The following PRIMPOL variants were observed in gnomAD, a reference collection of about 807,000 sequenced individuals.
The protein encoded by PRIMPOL is DNA-directed primase/polymerase protein.
Under a neutral mutation model 63.6 loss-of-function variants are expected in PRIMPOL, and 54 were observed. That is an observed-to-expected ratio of 0.85 (90% CI 0.68 to 1.07). The LOEUF (loss-of-function observed/expected upper bound fraction) is 1.07. Among genes scored for constraint, PRIMPOL ranks in the 50% least tolerant of loss-of-function variants. PRIMPOL has a pLI of 0.00. For synonymous variants in PRIMPOL, 197 were observed against 220.2 expected (o/e 0.89, Z 0.93); for missense variants, 610 against 648.3 (o/e 0.94, Z 0.64).
At chr4:184,655,219 A>G (rs2150027169) in intron 2 of PRIMPOL, among the ~76,000 whole-genome samples, 2 of 151,924 alleles carry the variant, frequency 1.3e-5, no homozygotes, top group East Asian at 3.9e-4. Context: ...CATATTGGTC[A>G]GGCTGGTCTC....
Position 184,665,960 on chromosome 4 carries a change from C to G in PRIMPOL, c.452C>G (p.Ser151Ter), listed in dbSNP as rs773763144. 1 of 1,609,444 alleles carries G rather than the reference C, an allele frequency of 6.2e-7. No homozygotes were observed. Among genetic ancestry groups the G allele is most frequent in the Non-Finnish European group, 8.5e-7 (1 of 1,176,758 alleles). ...ALQELYGVNCSAEDVLNLDSS... is the reference protein window; with the variant it reads ...ALQELYGVNC Reference sequence around the variant, plus strand: ...CAAGAGTTATACGGTGTTAATTGCTCAGCTGAAGATGTTTTGAACTTGGAT... The same window carrying G: ...CAAGAGTTATACGGTGTTAATTGCTGAGCTGAAGATGTTTTGAACTTGGAT... Residue 151 changes from serine to a stop codon, truncating the protein, a stop_gained, in exon 6 of 14, where the codon TCA becomes TGA. Coordinates refer to ENST00000314970, the MANE Select transcript of PRIMPOL (RefSeq NM_152683.4). LOFTEE classifies it high-confidence loss of function.
At chr4:184,694,319 T>C (rs1256150713) in intron 13 of PRIMPOL, 1 of 1,334,028 alleles carries the variant, frequency 7.5e-7, no homozygotes, top group Non-Finnish European at 9.6e-7. Context: ...GAGTTTCAAG[T>C]GTGTCTGAGC....
At chr4:184,663,981 C>T (rs1376426095) in intron 5 of PRIMPOL, among the ~76,000 whole-genome samples, 4 of 152,174 alleles carry the variant, frequency 2.6e-5, no homozygotes, top group African/African-American at 9.7e-5. Flanking sequence ...GGTTCAGTGG[C>T]TAAACTGACA....
At chr4:184,666,807 G>A (rs1750027255) in intron 6 of PRIMPOL, among the ~76,000 whole-genome samples, 1 of 152,208 alleles carries the variant, frequency 6.6e-6, no homozygotes, top group African/African-American at 2.4e-5. Context: ...TCAGGGTTGG[G>A]ATAATTCTAG....
chr4:184,664,121 T>C (rs1177700932), intron 5 of PRIMPOL, among the ~76,000 whole-genome samples: 1 of 152,232 alleles, frequency 6.6e-6, no homozygotes, highest in Non-Finnish European at 1.5e-5. Context: ...TTTAATTATT[T>C]AAGTAACTTA....
intron 11 of PRIMPOL, among the ~76,000 whole-genome samples, chr4:184,689,720 C>T (rs2150165196): frequency 6.6e-6 from 1 of 152,204 alleles, no homozygotes. Flanking sequence ...TCCCAAAGTG[C>T]TGGGATTACA....
chr4:184,649,934 C>A (rs1291970191), intron 1 of PRIMPOL, 26 bp downstream of exon 1: 1 of 152,274 alleles, frequency 6.6e-6, no homozygotes, highest in Non-Finnish European at 1.5e-5. Context: ...TCTGCGATGA[C>A]CTGAGGCCTT....
rs1298026820 is a variant in PRIMPOL at position 184,672,673 on chromosome 4, G to C, written c.844+213G>C. Among the ~76,000 whole-genome samples, 6 of 152,130 alleles carry C rather than the reference G, an allele frequency of 3.9e-5. No homozygotes were observed. The East Asian group carries it at 1.2e-3, about 29-fold the overall frequency. ...CCAGGCCGGCCTGAGCTCCAGCAGA[G>C]GATGGCTGTGGCTGGCTTCTGCTCT... On this transcript the variant is annotated intron_variant, in intron 7 of 13. Coordinates refer to ENST00000314970, the MANE Select transcript of PRIMPOL (RefSeq NM_152683.4).
rs538067517 is a variant in PRIMPOL at position 184,678,394 on chromosome 4, G to T, written c.1007G>T (p.Arg336Met). 3 of 1,598,416 alleles carry T rather than the reference G, an allele frequency of 1.9e-6. No individual in the cohort carries two copies. The African/African-American group carries it at 4.0e-5, about 22-fold the overall frequency. The change falls in exon 8 of 14, where the codon AGG becomes ATG. Residue 336 changes from arginine to methionine, a missense_variant and splice_region_variant. Transcript: ENST00000314970. The part of the protein sequence containing the change: ...YFLSSLVSNV[R>M]FSDTLRILTC... Reference sequence around the variant, plus strand: ...CTCTCTTCTTTGGTCAGCAATGTCAGGTATGTAGTAGCAGCATCAAACCAT... The same window carrying T: ...CTCTCTTCTTTGGTCAGCAATGTCATGTATGTAGTAGCAGCATCAAACCAT...
chr4:184,684,066 A>G (rs1284685661), intron 9 of PRIMPOL, among the ~76,000 whole-genome samples: 3 of 152,216 alleles, frequency 2.0e-5, no homozygotes, highest in African/African-American at 7.2e-5. Flanking sequence ...ACATTTCCAC[A>G]TTAATATATT....
intron 11 of PRIMPOL, among the ~76,000 whole-genome samples, chr4:184,688,946 A>G (rs1043080984): frequency 6.6e-6 from 1 of 152,164 alleles, no homozygotes; most frequent in African/African-American, 2.4e-5. Flanking sequence ...TTATGTCCGA[A>G]CAGTTTAGTA....
At chr4:184,650,902 A>G in intron 1 of PRIMPOL, among the ~76,000 whole-genome samples, 1 of 152,186 alleles carries the variant, frequency 6.6e-6, no homozygotes, top group Non-Finnish European at 1.5e-5. Flanking sequence ...TTACATTTTC[A>G]TAATACATTT....
intron 11 of PRIMPOL, among the ~76,000 whole-genome samples, chr4:184,688,554 C>G (rs1017524002): frequency 6.6e-6 from 1 of 152,154 alleles, no homozygotes; most frequent in South Asian, 2.1e-4. Flanking sequence ...GCATCTGGCC[C>G]GGCTCCCCTG....
chr4:184,672,607 TG>T, intron 7 of PRIMPOL, 147 bp downstream of exon 7: 1 of 770,620 alleles, frequency 1.3e-6, no homozygotes, highest in South Asian at 1.9e-5. Flanking sequence ...GTTCAGGTGC[TG>T]GGAATCTGTG....
chr4:184,685,068 G>A (rs1488972092), intron 9 of PRIMPOL, among the ~76,000 whole-genome samples: 1 of 152,146 alleles, frequency 6.6e-6, no homozygotes, highest in Non-Finnish European at 1.5e-5. Context: ...CCCGGCTGAG[G>A]TAGGCGTGCC....
Position 184,694,553 on chromosome 4 carries a change from A to AAAC in PRIMPOL, c.1458_1460dup (p.Thr487dup), listed in dbSNP as rs768145076. The AAAC allele has an allele frequency of 3.1e-5, 50 of 1,613,328 alleles. No homozygotes were observed. Among genetic ancestry groups the AAAC allele is most frequent in the Non-Finnish European group, 4.0e-5 (47 of 1,179,890 alleles). On this transcript the variant is annotated inframe_insertion, in exon 14 of 14. Coordinates refer to ENST00000314970, the MANE Select transcript of PRIMPOL (RefSeq NM_152683.4). Reference sequence around the variant, plus strand: ...GAGTTTACAACAGATGAAGCAGATGAAACTAGGAGCAATGAAACCCAGAAT... The same window carrying AAAC: ...GAGTTTACAACAGATGAAGCAGATGAAACAACTAGGAGCAATGAAACCCAGAAT...
At chr4:184,682,555 C>T (rs1343963145) in intron 9 of PRIMPOL, among the ~76,000 whole-genome samples, 3 of 151,992 alleles carry the variant, frequency 2.0e-5, no homozygotes, top group Admixed American at 6.6e-5. Flanking sequence ...ACCATGTTGC[C>T]CAGGCTGGTC....
At chr4:184,683,626 G>C (rs2696051) in intron 9 of PRIMPOL, among the ~76,000 whole-genome samples, 1 of 151,954 alleles carries the variant, frequency 6.6e-6, no homozygotes, top group East Asian at 1.9e-4. Context: ...CCTATATATA[G>C]AGAGAGATCT....
intron 2 of PRIMPOL, among the ~76,000 whole-genome samples, chr4:184,655,263 G>A (rs1746025000): frequency 1.3e-5 from 2 of 150,674 alleles, no homozygotes; most frequent in Admixed American, 1.3e-4. Context: ...GCCCTCCTCT[G>A]CCTCCCAAAG....
Sources: gnomAD v4.1 joint callset for allele counts (sites outside exome capture counted in the v4.1 genomes callset) on GRCh38, gnomAD v4.1.1 for gene constraint, MANE v1.5 for transcripts, NCBI Gene and HGNC (gene_info 2026-07-23, HGNC 2026-07-21) for gene names.